The following ADAMTS18 variants were observed in gnomAD, a reference collection of about 807,000 sequenced individuals.
ADAMTS18 encodes ADAM metallopeptidase with thrombospondin type 1 motif 18.
In ADAMTS18, 157 loss-of-function variants were observed where a neutral mutation model predicts 165.9. That is an observed-to-expected ratio of 0.95 (90% CI 0.83 to 1.08). ADAMTS18 has a LOEUF of 1.08. ADAMTS18 is among the 50% of genes least tolerant of loss of function. ADAMTS18 has a pLI of 0.00. For missense variants in ADAMTS18, 2,040 were observed against 1,534.0 expected (o/e 1.33, Z -5.51); for synonymous variants, 782 against 578.2 (o/e 1.35, Z -5.06).
At chr16:77,336,403 T>C (rs1476407385) in intron 11 of ADAMTS18, among the ~76,000 whole-genome samples, 11 of 152,244 alleles carry the variant, frequency 7.2e-5, no homozygotes, top group Non-Finnish European at 1.2e-4. Flanking sequence ...TGAATGATTA[T>C]CTTATCATAA....
intron 3 of ADAMTS18, among the ~76,000 whole-genome samples, chr16:77,380,736 T>C (rs549225545): frequency 5.0e-4 from 76 of 152,336 alleles, no homozygotes; most frequent in Admixed American, 1.6e-3. Flanking sequence ...TTCCTTCTTA[T>C]TCTCCCTGCC....
chr16:77,333,753 T>C (rs2056228944), intron 12 of ADAMTS18, among the ~76,000 whole-genome samples: 1 of 150,052 alleles, frequency 6.7e-6, no homozygotes, highest in African/African-American at 2.4e-5. Context: ...AATTGAACAG[T>C]GTGCCATGTT....
chr16:77,379,217 A>G (rs750013564), intron 3 of ADAMTS18, among the ~76,000 whole-genome samples: 2 of 152,182 alleles, frequency 1.3e-5, no homozygotes, highest in Non-Finnish European at 2.9e-5. Flanking sequence ...CTTCACCACC[A>G]TAAGGTTCAC....
At chr16:77,402,947 C>T (rs1028678107) in intron 3 of ADAMTS18, among the ~76,000 whole-genome samples, 1 of 152,186 alleles carries the variant, frequency 6.6e-6, no homozygotes, top group African/African-American at 2.4e-5. Context: ...CATGGAGCAA[C>T]TGCCGGACAG....
chr16:77,398,615 G>A (rs2057289020), intron 3 of ADAMTS18, among the ~76,000 whole-genome samples: 1 of 152,134 alleles, frequency 6.6e-6, no homozygotes, highest in African/African-American at 2.4e-5. Flanking sequence ...GACATTTTGG[G>A]TCAGGTAAGT....
intron 16 of ADAMTS18, among the ~76,000 whole-genome samples, chr16:77,309,084 T>C (rs1456823854): frequency 6.6e-6 from 1 of 152,212 alleles, no homozygotes; most frequent in Non-Finnish European, 1.5e-5. Context: ...GCCAGACTTA[T>C]GTTGTAGAAA....
At position 77,325,887 on chromosome 16, in the gene ADAMTS18, T is replaced by A; in HGVS notation, c.2011A>T (p.Lys671Ter). The stretch of plus-strand genomic sequence containing the variant: ...TTACCTTCCACTTTTGTATAGGGTT[T>A]CCACTGGTAGAACCATCCACGGAAA... ...KPFRGWFYQW[K>*]PYTKVEEEDR... The change falls in exon 13 of 23, where the codon AAA becomes TAA. Residue 671 changes from lysine to a stop codon, truncating the protein, a stop_gained. Transcript: ENST00000282849. LOFTEE classifies it high-confidence loss of function. 1 of 1,613,948 alleles carries A rather than the reference T, an allele frequency of 6.2e-7. No individual in the cohort carries two copies. The highest frequency in any genetic ancestry group is 8.5e-7 in the Non-Finnish European group (1 of 1,179,950).
At chr16:77,396,356 C>T (rs144455694) in intron 3 of ADAMTS18, among the ~76,000 whole-genome samples, 3 of 152,294 alleles carry the variant, frequency 2.0e-5, no homozygotes, top group African/African-American at 7.2e-5. Flanking sequence ...TGGCTTCAAA[C>T]TGCTGTAAAT....
Position 77,308,219 on chromosome 16 carries a change from A to G in ADAMTS18, c.2533-7815T>C, listed in dbSNP as rs147620998. Among the ~76,000 whole-genome samples, 212 of 152,306 alleles carry G rather than the reference A, an allele frequency of 1.4e-3. 1 individual carries two copies. The highest frequency in any genetic ancestry group is 4.9e-3 in the African/African-American group (203 of 41,566). Reference sequence around the variant, plus strand: ...TTCTATTTTTTAAAACTTTTTAAAAAAGGAATGCTGTGAAAACACAGGTGG... The same window carrying G: ...TTCTATTTTTTAAAACTTTTTAAAAGAGGAATGCTGTGAAAACACAGGTGG... On this transcript the variant is annotated intron_variant, in intron 16 of 22. Transcript: ENST00000282849.
At chr16:77,406,095 C>G (rs182627182) in intron 3 of ADAMTS18, among the ~76,000 whole-genome samples, 1 of 152,262 alleles carries the variant, frequency 6.6e-6, no homozygotes, top group East Asian at 1.9e-4. Flanking sequence ...CAAATTTTCT[C>G]ACAAACATAC....
chr16:77,291,228 C>T, intron 21 of ADAMTS18, 38 bp downstream of exon 21: 1 of 1,609,558 alleles, frequency 6.2e-7, no homozygotes, highest in Non-Finnish European at 8.5e-7. Context: ...TTCGACATCT[C>T]ACTTGAATAG....
At chr16:77,301,214 A>G (rs1236205106) in intron 16 of ADAMTS18, among the ~76,000 whole-genome samples, 1 of 152,022 alleles carries the variant, frequency 6.6e-6, no homozygotes, top group Non-Finnish European at 1.5e-5. Context: ...CTCTGCAGCC[A>G]TTCTTAATGC....
At chr16:77,332,976 G>A (rs2056215009) in intron 12 of ADAMTS18, among the ~76,000 whole-genome samples, 1 of 152,146 alleles carries the variant, frequency 6.6e-6, no homozygotes, top group African/African-American at 2.4e-5. Flanking sequence ...TTCCTGCAAG[G>A]CAAATCAGCA....
intron 10 of ADAMTS18, among the ~76,000 whole-genome samples, chr16:77,353,161 T>C (rs188829098): frequency 3.3e-5 from 5 of 152,314 alleles, no homozygotes; most frequent in Admixed American, 3.3e-4. Context: ...AAAATGTCAT[T>C]CTTGACCAAG....
chr16:77,394,503 A>T (rs1228264744), intron 3 of ADAMTS18, among the ~76,000 whole-genome samples: 1 of 152,202 alleles, frequency 6.6e-6, no homozygotes, highest in East Asian at 1.9e-4. Context: ...GTTTTCAGGG[A>T]AAGCAAAAAA....
chr16:77,368,207 G>T (rs2056826714), intron 3 of ADAMTS18, among the ~76,000 whole-genome samples: 2 of 152,118 alleles, frequency 1.3e-5, no homozygotes, highest in Admixed American at 6.6e-5. Context: ...AGCTAAGATA[G>T]TAAGTAGGAA....
At chr16:77,365,687 A>C (rs2056783233) in intron 4 of ADAMTS18, among the ~76,000 whole-genome samples, 1 of 151,604 alleles carries the variant, frequency 6.6e-6, no homozygotes, top group Admixed American at 6.6e-5. Context: ...ATTCCTGGGA[A>C]GAAAAATGGC....
chr16:77,370,848 A>T (rs913025547), intron 3 of ADAMTS18, among the ~76,000 whole-genome samples: 1 of 151,946 alleles, frequency 6.6e-6, no homozygotes, highest in African/African-American at 2.4e-5. Context: ...CAAGGAGGTG[A>T]AGATCTCTAC....
chr16:77,325,734 A>T, intron 13 of ADAMTS18, 132 bp downstream of exon 13: 1 of 910,520 alleles, frequency 1.1e-6, no homozygotes, highest in Non-Finnish European at 1.6e-6. Flanking sequence ...TGAAACACTG[A>T]GCCAGGATGG....
Sources: allele counts gnomAD v4.1 joint callset (sites outside exome capture counted in the v4.1 genomes callset), GRCh38; gene constraint gnomAD v4.1.1; transcripts MANE v1.5; gene names NCBI Gene and HGNC (gene_info 2026-07-23, HGNC 2026-07-21).